The following SRPRB variants were observed in gnomAD, a reference collection of about 807,000 sequenced individuals.
The protein encoded by SRPRB is SRP receptor subunit beta.
A neutral mutation model predicts 31.9 loss-of-function variants in SRPRB; 20 were observed. The ratio of observed to expected loss-of-function variants is 0.63; its 90% CI spans 0.44 to 0.91. The LOEUF (loss-of-function observed/expected upper bound fraction) is 0.91, where lower values mean the gene tolerates loss of function less well. SRPRB is among the 40% of genes least tolerant of loss of function. SRPRB has a pLI of 0.00. For synonymous variants in SRPRB, 146 were observed against 132.8 expected (o/e 1.10, Z -0.68); for missense variants, 321 against 324.9 (o/e 0.99, Z 0.09).
chr3:133,802,010 C>A (rs188491864), upstream of SRPRB, among the ~76,000 whole-genome samples: 25 of 152,264 alleles, frequency 1.6e-4, no homozygotes, highest in African/African-American at 5.8e-4. Flanking sequence ...GATGAAGTCC[C>A]AAGTCTGCTC....
chr3:133,792,014 T>G (rs1461298374), intron 1 of SRPRB: 1 of 152,220 alleles, frequency 6.6e-6, no homozygotes, highest in African/African-American at 2.4e-5. Flanking sequence ...TAAAAATATC[T>G]TCAAAATGTA....
At chr3:133,784,168 G>A (rs998308290) in intron 1 of SRPRB, 4 of 152,362 alleles carry the variant, frequency 2.6e-5, no homozygotes, top group African/African-American at 7.2e-5. Flanking sequence ...GGCAATGAGG[G>A]GTGGTAGGGT....
chr3:133,805,972 G>A lies in SRPRB; in HGVS notation c.124G>A (p.Val42Met), dbSNP rs780491153. The A allele has an allele frequency of 2.7e-5, 44 of 1,613,376 alleles. No individual in the cohort carries two copies. Among genetic ancestry groups the A allele is most frequent in the Non-Finnish European group, 3.4e-5 (40 of 1,179,628 alleles). Residue 42 changes from valine to methionine, a missense_variant, in exon 1 of 7, where the codon GTG becomes ATG. Transcript: ENST00000678299. ...QTDPTLLSVV[V>M]AVLAVLLTLV... ...GGACCCAACGCTGTTGTCAGTAGTG[G>A]TGGCGGTTCTTGCGGTGCTGCTGAC...
At chr3:133,823,045 C>T (rs149703830), downstream of SRPRB, among the ~76,000 whole-genome samples, 34 of 152,328 alleles carry the variant, frequency 2.2e-4, no homozygotes, top group East Asian at 6.6e-3. Flanking sequence ...GAAACGTGCC[C>T]TTTCAGTGTG....
chr3:133,805,715 C>G (rs753714792), upstream of SRPRB: 3 of 1,233,506 alleles, frequency 2.4e-6, no homozygotes, highest in Non-Finnish European at 3.3e-6. Context: ...CCATCAAGCA[C>G]TTGGGGGATC....
chr3:133,815,712 C>T lies in SRPRB; in HGVS notation c.533C>T (p.Ala178Val). The T allele has an allele frequency of 1.2e-6, 2 of 1,613,240 alleles. No homozygotes were observed. The highest frequency in any genetic ancestry group is 1.3e-5 in the African/African-American group (1 of 74,920). ...GLKNTPSFLIACNKQDIAMAK... is the reference protein window; with the variant it reads ...GLKNTPSFLIVCNKQDIAMAK... The stretch of plus-strand genomic sequence containing the variant: ...AAGAATACACCATCATTCTTAATAG[C>T]CTGCAATAAGCAAGGTGCCATCATG... Residue 178 changes from alanine (A) to valine (V), a missense_variant, in exon 5 of 7, where the codon GCC becomes GTC. Physicochemically the swap from Ala to Val is moderately conservative, Grantham distance 64. Transcript: ENST00000678299.
chr3:133,805,844 C>T lies in SRPRB; in HGVS notation c.-5C>T. 5 of 1,607,034 alleles carry T rather than the reference C, an allele frequency of 3.1e-6. No homozygotes were observed. The highest frequency in any genetic ancestry group is 1.7e-5 in the Admixed American group (1 of 59,364). On this transcript the variant is annotated 5_prime_UTR_variant, in exon 1 of 7. Coordinates refer to ENST00000678299, the MANE Select transcript of SRPRB (RefSeq NM_001379313.1). The stretch of plus-strand genomic sequence containing the variant: ...TTGCTGTACCGGGGACCACGCGTCT[C>T]ATCCATGGCTTCCGCGGACTCGCGC...
At chr3:133,792,434 T>G (rs955816141) in intron 1 of SRPRB, 4 of 152,226 alleles carry the variant, frequency 2.6e-5, no homozygotes. Flanking sequence ...CTATGACTCT[T>G]AACTCTACAA....
downstream of SRPRB, chr3:133,828,516 T>C (rs528054508): frequency 7.3e-5 from 35 of 479,280 alleles, no homozygotes; most frequent in African/African-American, 6.6e-4. Flanking sequence ...GATTTAAATT[T>C]TTTTTAAATT....
At chr3:133,826,763 A>T (rs1011131269), downstream of SRPRB, 7 of 152,678 alleles carry the variant, frequency 4.6e-5, no homozygotes, top group African/African-American at 1.7e-4. Context: ...ATCACAAGTT[A>T]TTTGACAATA....
downstream of SRPRB, chr3:133,828,094 A>T: frequency 4.6e-6 from 3 of 658,478 alleles, no homozygotes; most frequent in Non-Finnish European, 5.5e-6. Context: ...AGAGAAGGAG[A>T]GGTGGGAGCA....
chr3:133,810,930 G>A (rs1455048867), intron 3 of SRPRB, 187 bp from the exon 4 acceptor site: 3 of 491,408 alleles, frequency 6.1e-6, no homozygotes, highest in Non-Finnish European at 1.1e-5. Context: ...TGCCAGATCA[G>A]GAACCGTGTC....
chr3:133,791,065 T>C (rs1257799426), intron 1 of SRPRB: 1 of 152,164 alleles, frequency 6.6e-6, no homozygotes, highest in Non-Finnish European at 1.5e-5. Flanking sequence ...TTTTTTAAAT[T>C]TCTAGTGGAA....
chr3:133,807,249 A>ATTTT (rs60049102), intron 2 of SRPRB, among the ~76,000 whole-genome samples: 1 of 114,648 alleles, frequency 8.7e-6, no homozygotes, highest in Non-Finnish European at 1.7e-5. Flanking sequence ...AAATACCTCC[A>ATTTT]TTTTTTTTTT....
At chr3:133,818,993 G>A (rs1935416315) in intron 6 of SRPRB, among the ~76,000 whole-genome samples, 1 of 152,146 alleles carries the variant, frequency 6.6e-6, no homozygotes, top group South Asian at 2.1e-4. Context: ...AATGAGTGTT[G>A]CTTATGCACC....
At chr3:133,817,107 T>C (rs1935381571) in intron 6 of SRPRB, among the ~76,000 whole-genome samples, 175 bp downstream of exon 6, 2 of 152,260 alleles carry the variant, frequency 1.3e-5, no homozygotes, top group Non-Finnish European at 2.9e-5. Flanking sequence ...AAAAACTTAC[T>C]AGGGTGCTTA....
At chr3:133,824,038 T>C (rs1935516179), downstream of SRPRB, among the ~76,000 whole-genome samples, 1 of 152,186 alleles carries the variant, frequency 6.6e-6, no homozygotes, top group South Asian at 2.1e-4. Context: ...CTCATGAGTG[T>C]GTCCCATCTT....
chr3:133,798,426 C>T (rs201701834), intron 1 of SRPRB, among the ~76,000 whole-genome samples: 1 of 152,170 alleles, frequency 6.6e-6, no homozygotes, highest in Non-Finnish European at 1.5e-5. Flanking sequence ...AATGAATTCT[C>T]TTAGAAACAT....
intron 1 of SRPRB, chr3:133,792,378 A>G (rs1934862399): frequency 6.6e-6 from 1 of 152,234 alleles, no homozygotes. Flanking sequence ...CAAGAAATAT[A>G]CAATTTAACG....
Sources: gnomAD v4.1 joint callset for allele counts (sites outside exome capture counted in the v4.1 genomes callset) on GRCh38, gnomAD v4.1.1 for gene constraint, MANE v1.5 for transcripts, NCBI Gene and HGNC (gene_info 2026-07-23, HGNC 2026-07-21) for gene names.